Variants in NCAPG2 observed in about 807,000 individuals in gnomAD.
NCAPG2 encodes condensin-2 complex subunit G2.
Under a neutral mutation model 141.1 loss-of-function variants are expected in NCAPG2, and 53 were observed. That is an observed-to-expected ratio of 0.38 (90% CI 0.30 to 0.47). The LOEUF (loss-of-function observed/expected upper bound fraction) is 0.47, where lower values mean the gene tolerates loss of function less well. Among genes scored for constraint, NCAPG2 ranks in the 20% least tolerant of loss-of-function variants. The probability of loss-of-function intolerance (pLI) is 0.99; values close to 1 mark genes in which losing one functional copy is unlikely to be tolerated. For missense variants in NCAPG2, 1,087 were observed against 1,389.0 expected, an observed-to-expected ratio of 0.78 and a Z score of 3.46; for synonymous variants, 499 against 490.7, an observed-to-expected ratio of 1.02 and a Z score of -0.22.
At chr7:158,693,964 G>A (rs1438840034) in intron 2 of NCAPG2, among the ~76,000 whole-genome samples, 2 of 152,160 alleles carry the variant, frequency 1.3e-5, no homozygotes, top group Admixed American at 6.5e-5. Context: ...TATCTGAGAT[G>A]ACCTCACGTA....
At chr7:158,686,452 T>C (rs540550882) in intron 7 of NCAPG2, among the ~76,000 whole-genome samples, 1 of 152,174 alleles carries the variant, frequency 6.6e-6, no homozygotes, top group Admixed American at 6.5e-5. Context: ...GACGAACTAT[T>C]TCATCCTTCT....
intron 15 of NCAPG2, among the ~76,000 whole-genome samples, chr7:158,662,718 C>G (rs1467616192): frequency 2.0e-5 from 3 of 152,196 alleles, no homozygotes; most frequent in Non-Finnish European, 4.4e-5. Context: ...AAAGACATCA[C>G]TTTTCACCAC....
rs1001246761 is a variant in NCAPG2, at chr7:158,690,715, T to C, written c.390A>G (p.Leu130=). Residue 130 remains leucine, a synonymous_variant, in exon 5 of 28, where the codon TTA becomes TTG. Coordinates refer to ENST00000356309, the MANE Select transcript of NCAPG2 (RefSeq NM_017760.7). ...LECVIILNGI[L]YALPESERKL... ...TTCGTTCAGACTCAGGTAATGCATA[T>C]AAAATACCTAAAATACAGCACAGTA... The C allele has an allele frequency of 3.1e-6, 5 of 1,612,890 alleles. No individual in the cohort carries two copies. Among genetic ancestry groups the C allele is most frequent in the South Asian group, 1.1e-5 (1 of 90,848 alleles).
At position 158,678,109 on chromosome 7, in the gene NCAPG2, T is replaced by TA. The variant is rs10549623; in HGVS notation, c.1146+1850dup. 7.4e-5 allele frequency among the ~76,000 whole-genome samples: 11 copies of TA among 148,408 alleles called. No individual in the cohort carries two copies. In the East Asian group the frequency reaches 9.8e-4, roughly 13 times the overall value. ...ACTGCACCTAGACCCTTTTTTATTT[T>TA]AAAAAAAAAAAAAAGGTTCTCCATA... is the stretch of plus-strand genomic sequence containing the variant. On this transcript the variant is annotated intron_variant, in intron 11 of 27. Transcript: ENST00000356309.
chr7:158,680,020 A>T lies in NCAPG2; in HGVS notation c.1086T>A (p.Asp362Glu), dbSNP rs1834350710. The T allele has an allele frequency of 6.2e-7, 1 of 1,614,028 alleles. No individual in the cohort carries two copies. Among genetic ancestry groups the T allele is most frequent in the African/African-American group, 1.3e-5 (1 of 74,922 alleles). Residue 362 changes from aspartate (D) to glutamate (E), a missense_variant, in exon 11 of 28, where the codon GAT becomes GAA. Physicochemically the swap from Asp to Glu is conservative, Grantham distance 45 (BLOSUM62 2). Transcript: ENST00000356309. ...CCATTTCAATAGCATGAAGGTTTGG[A>T]TCCCTAATAGGAAATGCTTCAACAA... ...LLFVEAFPIR[D>E]PNLHAIEMDS...
chr7:158,693,279 C>T lies in NCAPG2; in HGVS notation c.267+30G>A, dbSNP rs770027785. On this transcript the variant is annotated intron_variant, in intron 3 of 27. Coordinates refer to ENST00000356309, the MANE Select transcript of NCAPG2 (RefSeq NM_017760.7). ...TTTTTTGACAAAAAAAAGAGAAAAA[C>T]GTTTCTTATTTTTGAAAAACAAATA... is the stretch of plus-strand genomic sequence containing the variant. 1.5e-5 allele frequency: 24 copies of T among 1,576,362 alleles called. 1 individual carries two copies. The highest frequency in any genetic ancestry group is 6.9e-5 in the African/African-American group (5 of 72,530).
At chr7:158,644,770 T>C (rs1358533730) in intron 26 of NCAPG2, among the ~76,000 whole-genome samples, 1 of 152,142 alleles carries the variant, frequency 6.6e-6, no homozygotes, top group Admixed American at 6.5e-5. Flanking sequence ...CTGGTGGTGA[T>C]CTCAATGCAG....
intron 24 of NCAPG2, among the ~76,000 whole-genome samples, chr7:158,650,627 G>A (rs1831416673): frequency 6.6e-6 from 1 of 152,152 alleles, no homozygotes; most frequent in Non-Finnish European, 1.5e-5. Context: ...AATATCCTTG[G>A]TATATGTTTC....
At chr7:158,687,875 T>G (rs576261096) in intron 6 of NCAPG2, among the ~76,000 whole-genome samples, 142 of 152,328 alleles carry the variant, frequency 9.3e-4, no homozygotes, top group African/African-American at 3.2e-3. Flanking sequence ...AACTGAGGAC[T>G]CATATAGTTA....
chr7:158,637,067 C>G (rs1377900314), intron 27 of NCAPG2, among the ~76,000 whole-genome samples: 5 of 151,980 alleles, frequency 3.3e-5, no homozygotes, highest in African/African-American at 1.2e-4. Flanking sequence ...CCTGCCTCAG[C>G]CTCCCGAGCA....
At chr7:158,656,761 T>C in intron 17 of NCAPG2, 56 bp from the exon 18 acceptor site, 1 of 1,574,258 alleles carries the variant, frequency 6.4e-7, no homozygotes, top group Non-Finnish European at 8.6e-7. Context: ...CTCCCCAACT[T>C]TGTCAAAAGG....
chr7:158,671,647 T>C lies in NCAPG2; in HGVS notation c.1346A>G (p.Asp449Gly). 1 of 1,614,156 alleles carries C rather than the reference T, an allele frequency of 6.2e-7. No homozygotes were observed. The highest frequency in any genetic ancestry group is 8.5e-7 in the Non-Finnish European group (1 of 1,180,038). The change falls in exon 13 of 28, where the codon GAC (aspartate) becomes GGC (glycine). Residue 449 changes from aspartate to glycine, a missense_variant. Coordinates refer to ENST00000356309, the MANE Select transcript of NCAPG2 (RefSeq NM_017760.7). ...TAACAATGGGTGGCTCAGTTTGTTG[T>C]CCAAAATCATTGGCAGACACTGCAA... is the stretch of plus-strand genomic sequence containing the variant. Reference protein sequence around the residue: ...SVFKCLPMILDNKLSHPLLEQ... With the variant: ...SVFKCLPMILGNKLSHPLLEQ...
chr7:158,640,919 T>C (rs576275801), intron 27 of NCAPG2: 1 of 152,118 alleles, frequency 6.6e-6, no homozygotes, highest in South Asian at 2.1e-4. Context: ...CTTAGCAAAA[T>C]GAATGACAGC....
intron 13 of NCAPG2, among the ~76,000 whole-genome samples, chr7:158,667,430 C>T (rs1371537388): frequency 7.9e-6 from 1 of 126,030 alleles, no homozygotes; most frequent in African/African-American, 3.0e-5. Flanking sequence ...TGGGTCCCTC[C>T]GCCCTCCTTA....
chr7:158,671,596 T>C lies in NCAPG2; in HGVS notation c.1397A>G (p.Tyr466Cys). The change falls in exon 13 of 28, where the codon TAC becomes TGC. Residue 466 changes from tyrosine (Y) to cysteine (C), a missense_variant. By Grantham distance (194) the Tyr-to-Cys change is radical. Coordinates refer to ENST00000356309, the MANE Select transcript of NCAPG2 (RefSeq NM_017760.7). ...LLEQLLPALRYSLHDNSEKVR... is the reference protein window; with the variant it reads ...LLEQLLPALRCSLHDNSEKVR... ...TTTCTCCGAATTGTCGTGGAGACTG[T>C]ATCTGAGAGCTGGAAGGAGCTGCTC... 6.2e-7 allele frequency: 1 copy of C among 1,614,214 alleles called. No homozygotes were observed. The highest frequency in any genetic ancestry group is 8.5e-7 in the Non-Finnish European group (1 of 1,180,030).
intron 16 of NCAPG2, among the ~76,000 whole-genome samples, chr7:158,658,905 T>C (rs188389709): frequency 6.6e-6 from 1 of 151,872 alleles, no homozygotes; most frequent in Non-Finnish European, 1.5e-5. Flanking sequence ...CAGTGGGGCA[T>C]AGTGGCTCAT....
chr7:158,691,433 G>C (rs1835112336), intron 4 of NCAPG2, among the ~76,000 whole-genome samples: 1 of 152,114 alleles, frequency 6.6e-6, no homozygotes. Context: ...TGATTGGGGT[G>C]ACTTTTTAAT....
chr7:158,668,840 G>A (rs766544411), intron 13 of NCAPG2, among the ~76,000 whole-genome samples: 45 of 152,250 alleles, frequency 3.0e-4, no homozygotes, highest in Non-Finnish European at 4.7e-4. Context: ...TGCCATGGTG[G>A]TTTGCTGCAC....
chr7:158,656,513 T>C, intron 18 of NCAPG2, 39 bp downstream of exon 18: 2 of 1,612,312 alleles, frequency 1.2e-6, no homozygotes, highest in South Asian at 1.1e-5. Context: ...ACAGTTATCC[T>C]CACTCACCTA....
Sources: allele counts gnomAD v4.1 joint callset (sites outside exome capture counted in the v4.1 genomes callset), GRCh38; gene constraint gnomAD v4.1.1; transcripts MANE v1.5; gene names NCBI Gene and HGNC (gene_info 2026-07-23, HGNC 2026-07-21).